Variants in RICTOR observed in about 807,000 individuals in gnomAD.
RICTOR encodes the protein RPTOR independent companion of MTOR complex 2.
A neutral mutation model predicts 214.9 loss-of-function variants in RICTOR; 49 were observed. That is an observed-to-expected ratio of 0.23 (90% CI 0.18 to 0.29). RICTOR has a LOEUF of 0.29. Among genes scored for constraint, RICTOR ranks in the 10% least tolerant of loss-of-function variants. The pLI, the probability that RICTOR is intolerant of heterozygous loss-of-function variation, is 1.00. For synonymous variants in RICTOR, 717 were observed against 711.3 expected (o/e 1.01, Z -0.13); for missense variants, 1,625 against 2,047.0 (o/e 0.79, Z 3.98).
chr5:38,966,800 A>ATTTT, intron 14 of RICTOR, 79 bp from the exon 15 acceptor site: 2 of 658,688 alleles, frequency 3.0e-6, no homozygotes, highest in Non-Finnish European at 2.4e-6. Context: ...TATTTTTCAA[A>ATTTT]ATTTTTTTTT....
chr5:39,059,703 C>G (rs1006785743), intron 2 of RICTOR, among the ~76,000 whole-genome samples: 9 of 152,028 alleles, frequency 5.9e-5, no homozygotes, highest in African/African-American at 1.7e-4. Context: ...TTCTACCCAT[C>G]CAAGGTTGAA....
At chr5:38,983,983 A>C (rs1434828753) in intron 7 of RICTOR, among the ~76,000 whole-genome samples, 1 of 152,146 alleles carries the variant, frequency 6.6e-6, no homozygotes, top group Non-Finnish European at 1.5e-5. Flanking sequence ...AAACAAAACA[A>C]AACAAAAGAA....
intron 19 of RICTOR, among the ~76,000 whole-genome samples, chr5:38,961,593 TGAGTAA>T (rs1749800208): frequency 6.6e-6 from 1 of 152,304 alleles, no homozygotes; most frequent in Middle Eastern, 3.4e-3. Flanking sequence ...AAAACAAAGT[TGAGTAA>T]GACATCATCT....
chr5:38,945,338 G>C, intron 34 of RICTOR, 153 bp downstream of exon 34: 1 of 626,276 alleles, frequency 1.6e-6, no homozygotes, highest in Non-Finnish European at 2.8e-6. Flanking sequence ...GAGAGGATCA[G>C]CATCTCAGCA....
At chr5:39,023,262 C>G (rs1755566068) in intron 2 of RICTOR, among the ~76,000 whole-genome samples, 1 of 151,520 alleles carries the variant, frequency 6.6e-6, no homozygotes, top group Admixed American at 6.6e-5. Context: ...GAAAACTAGA[C>G]CTAGGCAGAT....
chr5:38,997,304 C>T (rs1253445077), intron 5 of RICTOR, among the ~76,000 whole-genome samples: 1 of 152,130 alleles, frequency 6.6e-6, no homozygotes, highest in Non-Finnish European at 1.5e-5. Flanking sequence ...CTAAATTAGG[C>T]ACTATCCATA....
intron 2 of RICTOR, among the ~76,000 whole-genome samples, chr5:39,039,262 T>C (rs559770670): frequency 1.3e-5 from 2 of 152,260 alleles, no homozygotes; most frequent in South Asian, 2.1e-4. Flanking sequence ...TGGCTAGCCA[T>C]ATGTAGAAAG....
chr5:38,972,405 A>G (rs1376373142), intron 10 of RICTOR, among the ~76,000 whole-genome samples: 3 of 152,244 alleles, frequency 2.0e-5, no homozygotes, highest in African/African-American at 7.2e-5. Context: ...AATAAATTAT[A>G]TGATTCAAAA....
At chr5:38,961,173 G>T (rs753668055) in intron 19 of RICTOR, among the ~76,000 whole-genome samples, 4 of 151,956 alleles carry the variant, frequency 2.6e-5, no homozygotes, top group Non-Finnish European at 5.9e-5. Context: ...TGTGGAGTAA[G>T]AATTTTATGG....
chr5:39,056,146 G>A (rs1217836355), intron 2 of RICTOR, among the ~76,000 whole-genome samples: 1 of 152,160 alleles, frequency 6.6e-6, no homozygotes, highest in Non-Finnish European at 1.5e-5. Context: ...GAGCCCTCAA[G>A]CTTAAACACA....
intron 7 of RICTOR, among the ~76,000 whole-genome samples, chr5:38,985,897 T>C (rs913903347): frequency 3.9e-5 from 6 of 152,122 alleles, no homozygotes; most frequent in Non-Finnish European, 8.8e-5. Flanking sequence ...GGTTTCACCA[T>C]ATTGGTCAGG....
At chr5:38,968,187 G>A (rs1381957071) in intron 11 of RICTOR, among the ~76,000 whole-genome samples, 157 bp from the exon 12 acceptor site, 1 of 152,028 alleles carries the variant, frequency 6.6e-6, no homozygotes, top group East Asian at 1.9e-4. Context: ...CCATATATAC[G>A]ATGGTCGTTC....
intron 2 of RICTOR, among the ~76,000 whole-genome samples, chr5:39,053,720 G>A (rs1204699391): frequency 2.0e-5 from 3 of 151,216 alleles, no homozygotes; most frequent in Admixed American, 1.3e-4. Context: ...GTGAAACCCC[G>A]TCTCTACTAA....
chr5:38,938,589 C>G lies in RICTOR; in HGVS notation c.*3715G>C. The G allele has an allele frequency of 8.6e-6, 2 of 232,678 alleles. No individual in the cohort carries two copies. The highest frequency in any genetic ancestry group is 8.5e-6 in the Non-Finnish European group (1 of 117,666). 14.4% of individuals were successfully genotyped at this position (232,678 alleles called of 1,614,324 possible). ...CCGATACTTACATTACAAAAATACT[C>G]CAAACAGGAAAAAAGTCCACATTCT... On this transcript the variant is annotated 3_prime_UTR_variant, in exon 38 of 38. Transcript: ENST00000357387.
intron 2 of RICTOR, among the ~76,000 whole-genome samples, chr5:39,047,420 T>C (rs573751650): frequency 6.6e-6 from 1 of 152,260 alleles, no homozygotes; most frequent in Non-Finnish European, 1.5e-5. Context: ...CAGGTGGTAA[T>C]GTATGCTTGC....
intron 7 of RICTOR, among the ~76,000 whole-genome samples, chr5:38,985,114 A>G (rs972897933): frequency 2.0e-5 from 3 of 152,104 alleles, no homozygotes; most frequent in African/African-American, 7.2e-5. Flanking sequence ...CCCAGCCTAA[A>G]ATATGTTGCT....
chr5:38,979,497 A>T (rs1404005269), intron 8 of RICTOR, among the ~76,000 whole-genome samples: 1 of 151,962 alleles, frequency 6.6e-6, no homozygotes, highest in African/African-American at 2.4e-5. Flanking sequence ...GTTTTAGGTC[A>T]TTTTCCTTTT....
intron 6 of RICTOR, among the ~76,000 whole-genome samples, chr5:38,993,951 G>C (rs763021724): frequency 1.1e-4 from 16 of 152,186 alleles, no homozygotes; most frequent in Non-Finnish European, 2.2e-4. Context: ...GGGAGGCCAA[G>C]GCGGGCAGAT....
intron 2 of RICTOR, among the ~76,000 whole-genome samples, chr5:39,035,901 T>G (rs1756651452): frequency 2.0e-5 from 3 of 152,170 alleles, no homozygotes; most frequent in Admixed American, 1.3e-4. Context: ...TGCAGGATAT[T>G]ATCCAGGAGA....
Sources: gnomAD v4.1 joint callset for allele counts (sites outside exome capture counted in the v4.1 genomes callset) on GRCh38, gnomAD v4.1.1 for gene constraint, MANE v1.5 for transcripts, NCBI Gene and HGNC (gene_info 2026-07-23, HGNC 2026-07-21) for gene names.